The following AKAP19 variants were observed in gnomAD, a reference collection of about 807,000 sequenced individuals.
AKAP19 encodes A-kinase anchoring protein 19.
At chr2:190,051,432 A>T in the AKAP19 span, among the ~76,000 whole-genome samples, 1 of 152,190 alleles carries the variant, frequency 6.6e-6, no homozygotes, top group African/African-American at 2.4e-5. Context: ...TTTGGCCAGG[A>T]TGAGGAATCT....
At chr2:190,046,792 G>T in the AKAP19 span, among the ~76,000 whole-genome samples, 1 of 152,040 alleles carries the variant, frequency 6.6e-6, no homozygotes, top group African/African-American at 2.4e-5. Context: ...CTACTAGGCG[G>T]TGTTATTTAT....
chr2:190,137,028 T>G, the AKAP19 span, among the ~76,000 whole-genome samples: 3 of 152,222 alleles, frequency 2.0e-5, no homozygotes, highest in Admixed American at 1.3e-4. Context: ...CGTAGCAGAA[T>G]GCACTTCATT....
At chr2:190,004,671 T>C in the AKAP19 span, among the ~76,000 whole-genome samples, 17 of 152,154 alleles carry the variant, frequency 1.1e-4, no homozygotes, top group African/African-American at 3.9e-4. Context: ...TATAATCATT[T>C]TGAGTTTCAC....
At chr2:189,959,392 T>C in the AKAP19 span, among the ~76,000 whole-genome samples, 3 of 152,170 alleles carry the variant, frequency 2.0e-5, no homozygotes, top group African/African-American at 7.2e-5. Context: ...TCCAAATAAT[T>C]AGACTTTATT....
At chr2:190,183,212 C>T in the AKAP19 span, among the ~76,000 whole-genome samples, 18 of 152,118 alleles carry the variant, frequency 1.2e-4, no homozygotes, top group Non-Finnish European at 1.9e-4. Flanking sequence ...TAACATCTGC[C>T]TTTCAGGGTG....
chr2:189,958,080 C>T, the AKAP19 span, among the ~76,000 whole-genome samples: 1 of 152,130 alleles, frequency 6.6e-6, no homozygotes, highest in African/African-American at 2.4e-5. Flanking sequence ...AGGTGTGAGC[C>T]ATTGCGCCAA....
the AKAP19 span, among the ~76,000 whole-genome samples, chr2:189,880,242 C>T: frequency 1.3e-5 from 2 of 152,090 alleles, no homozygotes; most frequent in Non-Finnish European, 2.9e-5. Flanking sequence ...AAGCTTCCTC[C>T]AGCATTTTTT....
chr2:190,047,123 C>T, the AKAP19 span, among the ~76,000 whole-genome samples: 1 of 152,156 alleles, frequency 6.6e-6, no homozygotes, highest in Non-Finnish European at 1.5e-5. Flanking sequence ...CAAGGACATA[C>T]AAGCGGTGTC....
the AKAP19 span, among the ~76,000 whole-genome samples, chr2:190,087,989 G>T: frequency 2.0e-5 from 3 of 152,074 alleles, no homozygotes; most frequent in African/African-American, 7.2e-5. Context: ...CAAAAAAGTA[G>T]AAAAGAACCT....
At chr2:190,140,412 G>A in the AKAP19 span, among the ~76,000 whole-genome samples, 1 of 152,198 alleles carries the variant, frequency 6.6e-6, no homozygotes, top group Admixed American at 6.5e-5. Flanking sequence ...CCCTAGGAGA[G>A]GTTCTCCACA....
chr2:189,915,299 G>A, the AKAP19 span, among the ~76,000 whole-genome samples: 1 of 152,060 alleles, frequency 6.6e-6, no homozygotes, highest in Non-Finnish European at 1.5e-5. Flanking sequence ...TTTTAAAAGA[G>A]CAGCATGATG....
At chr2:189,960,735 G>A in the AKAP19 span, among the ~76,000 whole-genome samples, 1 of 152,024 alleles carries the variant, frequency 6.6e-6, no homozygotes, top group East Asian at 1.9e-4. Context: ...TCTCTTGAGT[G>A]AGATCTGCCA....
At chr2:189,944,671 A>G in the AKAP19 span, among the ~76,000 whole-genome samples, 7,449 of 152,296 alleles carry the variant, frequency 0.049, 270 homozygotes, top group Non-Finnish European at 0.068. Context: ...ACACCCCACT[A>G]TCATTAACGA....
the AKAP19 span, among the ~76,000 whole-genome samples, chr2:190,086,947 G>A: frequency 6.6e-6 from 1 of 152,132 alleles, no homozygotes; most frequent in Non-Finnish European, 1.5e-5. Context: ...CCATTCAAAG[G>A]AACCCTTCTA....
the AKAP19 span, among the ~76,000 whole-genome samples, chr2:190,127,612 T>C: frequency 2.2e-4 from 34 of 152,212 alleles, no homozygotes; most frequent in Non-Finnish European, 4.6e-4. Context: ...ATTCAAGTAT[T>C]ATATTAGAAC....
At chr2:190,014,157 C>T in the AKAP19 span, among the ~76,000 whole-genome samples, 1 of 151,978 alleles carries the variant, frequency 6.6e-6, no homozygotes, top group South Asian at 2.1e-4. Flanking sequence ...TTTTTATTTC[C>T]CTTTTAGTTA....
chr2:190,195,669 TCAAATATGCTTTTGCAATATTTTCTCC>T, the AKAP19 span, among the ~76,000 whole-genome samples: 1 of 152,244 alleles, frequency 6.6e-6, no homozygotes, highest in African/African-American at 2.4e-5. Context: ...CAATCTTTTA[TCAAATATGCTTTTGCAATATTTTCTCC>T]CAGTCTGTGG....
chr2:189,985,115 C>T, the AKAP19 span, among the ~76,000 whole-genome samples: 15 of 152,326 alleles, frequency 9.8e-5, no homozygotes, highest in African/African-American at 3.6e-4. Flanking sequence ...GAGCAGCAGT[C>T]CAATCCACCC....
At chr2:190,171,815 T>C in the AKAP19 span, among the ~76,000 whole-genome samples, 4 of 152,146 alleles carry the variant, frequency 2.6e-5, no homozygotes, top group South Asian at 8.3e-4. Flanking sequence ...AACATTTTCT[T>C]TGAATTCTTT....
Sources: allele counts gnomAD v4.1 joint callset (sites outside exome capture counted in the v4.1 genomes callset), GRCh38; gene constraint gnomAD v4.1.1; transcripts MANE v1.5; gene names NCBI Gene and HGNC (gene_info 2026-07-23, HGNC 2026-07-21).